The following SCUBE1 variants were observed in gnomAD, a reference collection of about 807,000 sequenced individuals.
The protein encoded by SCUBE1 is signal peptide, CUB domain and EGF like domain containing 1.
SCUBE1 carries 59 observed loss-of-function variants against 124.4 expected under a neutral mutation model. The ratio of observed to expected loss-of-function variants is 0.47; its 90% confidence interval spans 0.38 to 0.59. SCUBE1 has a LOEUF of 0.59. Among genes scored for constraint, SCUBE1 ranks in the 20% least tolerant of loss-of-function variants. The pLI is 0.00. For synonymous variants in SCUBE1, 545 were observed against 550.9 expected, an observed-to-expected ratio of 0.99 and a Z score of 0.15; for missense variants, 1,150 against 1,371.2, an observed-to-expected ratio of 0.84 and a Z score of 2.55.
intron 3 of SCUBE1, among the ~76,000 whole-genome samples, chr22:43,312,896 T>C (rs1287651854): frequency 2.6e-5 from 4 of 152,038 alleles, no homozygotes; most frequent in African/African-American, 9.7e-5. Flanking sequence ...GCTGGTGCAG[T>C]TCGGGCACTA....
At chr22:43,262,613 G>T in intron 5 of SCUBE1, 107 bp downstream of exon 5, 1 of 1,359,342 alleles carries the variant, frequency 7.4e-7, no homozygotes, top group Non-Finnish European at 1.0e-6. Flanking sequence ...CACCCCATGG[G>T]GCTGGGGACC....
chr22:43,239,652 C>T (rs941970457), intron 6 of SCUBE1, among the ~76,000 whole-genome samples: 1 of 152,244 alleles, frequency 6.6e-6, no homozygotes, highest in Non-Finnish European at 1.5e-5. Context: ...CCCCTCAGGC[C>T]TGGAGGAGGG....
At chr22:43,286,210 A>C (rs568799902) in intron 4 of SCUBE1, among the ~76,000 whole-genome samples, 464 of 152,386 alleles carry the variant, frequency 3.0e-3, no homozygotes, top group Non-Finnish European at 4.4e-3. Flanking sequence ...CGAAGCAGGT[A>C]TTATGACTAT....
At chr22:43,283,762 C>T (rs1925020655) in intron 4 of SCUBE1, 1 of 152,150 alleles carries the variant, frequency 6.6e-6, no homozygotes, top group Non-Finnish European at 1.5e-5. Context: ...GCATCTGAGA[C>T]CACTCTTCAC....
rs1923751194 is a variant in SCUBE1 at position 43,258,476 on chromosome 22, G to A, written c.611-141C>T. 4.4e-6 allele frequency: 3 copies of A among 679,472 alleles called. No homozygotes were observed. Among genetic ancestry groups the A allele is most frequent in the Non-Finnish European group, 5.4e-6 (2 of 371,096 alleles). 42.1% of individuals were successfully genotyped at this position (679,472 alleles called of 1,614,324 possible). A position where few individuals can be genotyped will look rare whatever the true frequency, so the allele number is the denominator to read the frequency against. ...GTGGGTAGGGTCATGAGGCTCGCCG[G>A]GCAACGGGGGAGCATTTCCCTGCAC... On this transcript the variant is annotated intron_variant, in intron 5 of 21. Coordinates refer to ENST00000360835, the MANE Select transcript of SCUBE1 (RefSeq NM_173050.5). This position sits in a 1 kb window ranked among gnomAD's most constrained non-coding sequence, Gnocchi z 5.0.
intron 10 of SCUBE1, among the ~76,000 whole-genome samples, chr22:43,225,272 C>A (rs1922257569): frequency 6.6e-6 from 1 of 152,000 alleles, no homozygotes; most frequent in Non-Finnish European, 1.5e-5. Flanking sequence ...AATCAGATCT[C>A]TAATGCTGGA....
chr22:43,218,451 G>A lies in SCUBE1; in HGVS notation c.1695C>T (p.Cys565=), dbSNP rs773573516. 1.2e-5 allele frequency: 20 copies of A among 1,610,534 alleles called. No homozygotes were observed. Among genetic ancestry groups the A allele is most frequent in the Middle Eastern group, 1.6e-4 (1 of 6,078 alleles). Residue 565 remains cysteine (C), a synonymous_variant, in exon 15 of 22, where the codon TGC becomes TGT. Transcript: ENST00000360835. ...ETKMEEASDT[C]EADCLRKRAE... ...CTCGCTTCCGCAAGCAGTCCGCTTC[G>A]CATGTGTCTGCAGGGGCAGGAGAGA...
intron 1 of SCUBE1, among the ~76,000 whole-genome samples, chr22:43,340,910 G>A (rs996157750): frequency 3.3e-5 from 5 of 152,152 alleles, no homozygotes; most frequent in African/African-American, 1.2e-4. Context: ...CCCCAAGAGT[G>A]TCCACTCTAA....
At chr22:43,220,911 G>C (rs989297189) in intron 13 of SCUBE1, among the ~76,000 whole-genome samples, 4 of 152,206 alleles carry the variant, frequency 2.6e-5, no homozygotes, top group African/African-American at 9.6e-5. Context: ...TGCGTGCTGA[G>C]AGCTCTGTTA....
At position 43,248,688 on chromosome 22, in the gene SCUBE1, C is replaced by T. The variant is rs559643272; in HGVS notation, c.727+9531G>A. 5.1e-4 allele frequency among the ~76,000 whole-genome samples: 77 copies of T among 152,358 alleles called. No individual in the cohort carries two copies. The South Asian group carries it at 0.014, about 27-fold the overall frequency. On this transcript the variant is annotated intron_variant, in intron 6 of 21. Coordinates refer to ENST00000360835, the MANE Select transcript of SCUBE1 (RefSeq NM_173050.5). ...CCACGACTTGAGAGGGGCTTGCCCCCGCTTTCCTTCAGCCAGGCCACCTGA... is the reference window on the plus strand; with the variant it reads ...CCACGACTTGAGAGGGGCTTGCCCCTGCTTTCCTTCAGCCAGGCCACCTGA...
chr22:43,256,200 C>T (rs567629058), intron 6 of SCUBE1, among the ~76,000 whole-genome samples: 4 of 152,346 alleles, frequency 2.6e-5, no homozygotes, highest in Non-Finnish European at 4.4e-5. Flanking sequence ...ATTTGGGCAG[C>T]GCTGGTTGCC....
chr22:43,310,097 G>A (rs1028392859), intron 3 of SCUBE1, among the ~76,000 whole-genome samples: 1 of 152,072 alleles, frequency 6.6e-6, no homozygotes, highest in African/African-American at 2.4e-5. Flanking sequence ...TTCTCGAGAC[G>A]ATATGACCCT....
At chr22:43,238,525 G>A (rs1465241253) in intron 7 of SCUBE1, 2 of 590,174 alleles carry the variant, frequency 3.4e-6, no homozygotes, top group Non-Finnish European at 6.0e-6. Flanking sequence ...AAGTCCCACA[G>A]TAGAGACGCT....
At chr22:43,279,160 G>C (rs757220330) in intron 4 of SCUBE1, among the ~76,000 whole-genome samples, 5 of 152,204 alleles carry the variant, frequency 3.3e-5, no homozygotes, top group Non-Finnish European at 7.4e-5. Context: ...CTGCTGGGGA[G>C]AAACACTAGG....
intron 21 of SCUBE1, among the ~76,000 whole-genome samples, chr22:43,205,997 A>G (rs1190877684): frequency 1.1e-5 from 1 of 89,076 alleles, no homozygotes. Context: ...ACCCCCACTC[A>G]TCACACACCC....
chr22:43,237,345 A>G (rs544901386), intron 7 of SCUBE1, among the ~76,000 whole-genome samples: 2 of 152,248 alleles, frequency 1.3e-5, no homozygotes, highest in Non-Finnish European at 2.9e-5. Context: ...CCCCATTCCA[A>G]CAGCCCCAGC....
intron 1 of SCUBE1, among the ~76,000 whole-genome samples, chr22:43,341,127 G>A (rs1054282587): frequency 5.0e-5 from 7 of 140,392 alleles, no homozygotes; most frequent in South Asian, 2.1e-4. Context: ...GCACACACAC[G>A]GCAGGTGGCA....
intron 7 of SCUBE1, 177 bp downstream of exon 7, chr22:43,238,661 C>A: frequency 4.4e-6 from 3 of 687,352 alleles, no homozygotes; most frequent in Non-Finnish European, 8.2e-6. Context: ...CTGCTGCTGG[C>A]CAGCCCTCCC....
chr22:43,321,236 G>A (rs1926543549), intron 2 of SCUBE1, among the ~76,000 whole-genome samples: 1 of 152,228 alleles, frequency 6.6e-6, no homozygotes, highest in South Asian at 2.1e-4. Context: ...ACGAAAGTGG[G>A]GCTGGGGCCA....
Sources: gnomAD v4.1 joint callset for allele counts (sites outside exome capture counted in the v4.1 genomes callset) on GRCh38, gnomAD v4.1.1 for gene constraint, Gnocchi (gnomAD v3.1) non-coding constraint, MANE v1.5 for transcripts, NCBI Gene and HGNC (gene_info 2026-07-23, HGNC 2026-07-21) for gene names.